Variants in OR51D1 observed in about 807,000 individuals in gnomAD.
OR51D1 encodes the protein olfactory receptor 51D1.
For missense variants in OR51D1, 452 were observed against 396.2 expected, an observed-to-expected ratio of 1.14 and a Z score of -1.20; for synonymous variants, 187 against 161.1, an observed-to-expected ratio of 1.16 and a Z score of -1.22.
In OR51D1 at chr11:4,641,884, G is replaced by A. The variant is rs1042910989; in HGVS notation, c.*1119G>A. 7.2e-5 allele frequency: 11 copies of A among 152,352 alleles called. No individual in the cohort carries two copies. 9.4% of individuals were successfully genotyped at this position (152,352 alleles called of 1,614,324 possible). A position where few individuals can be genotyped will look rare whatever the true frequency, so the allele number is the denominator to read the frequency against. ...TATTGTTGGTACTGATGCTATTTTC[G>A]TGCATATGTCTAGTGTATATGTTTT... On this transcript the variant is annotated 3_prime_UTR_variant, in exon 2 of 2. Transcript: ENST00000641817.
At position 4,640,077 on chromosome 11, in the gene OR51D1, G is replaced by T. The variant is rs1554918817; in HGVS notation, c.287G>T (p.Ser96Ile). 11 of 1,614,202 alleles carry T rather than the reference G, an allele frequency of 6.8e-6. No homozygotes were observed. The South Asian group carries it at 1.1e-4, about 16-fold the overall frequency. ...TCTATCACCATGCCCAAGATGGCCA[G>T]TCTTTTCCTGATGGGCATCCAGGAG... ...LSSITMPKMA[S>I]LFLMGIQEIE... Residue 96 changes from serine (S) to isoleucine (I), a missense_variant, in exon 2 of 2, where the codon AGT becomes ATT. Ser to Ile is a moderately radical substitution (Grantham distance 142). Coordinates refer to ENST00000641817, the MANE Select transcript of OR51D1 (RefSeq NM_001004751.3).
At chr11:4,639,570 C>T in intron 1 of OR51D1, 1 of 576,328 alleles carries the variant, frequency 1.7e-6, no homozygotes, top group African/African-American at 1.9e-5. Flanking sequence ...GCACTGGGGC[C>T]TTGGAGGGTC....
Position 4,640,360 on chromosome 11 carries a change from CT to C in OR51D1, c.572del (p.Phe191SerfsTer8), listed in dbSNP as rs1564874335. ...GCCAAACACATACTGTCACACACTC[CT>C]TCTGTCTGCACCAAGATATTATGAA... Reference protein sequence around the residue: ...YCQTHTVTHSFCLHQDIMKLS... With the variant: ...YCQTHTVTHSXCLHQDIMKLS... On this transcript the variant is annotated frameshift_variant, in exon 2 of 2. Transcript: ENST00000641817. LOFTEE classifies it high-confidence loss of function. The C allele has an allele frequency of 6.2e-7, 1 of 1,614,198 alleles. No individual in the cohort carries two copies. The highest frequency in any genetic ancestry group is 2.2e-5 in the East Asian group (1 of 44,888).
chr11:4,639,876 T>C lies in OR51D1; in HGVS notation c.86T>C (p.Ile29Thr), dbSNP rs1846940044. The C allele has an allele frequency of 1.2e-6, 2 of 1,614,222 alleles. No homozygotes were observed. Among genetic ancestry groups the C allele is most frequent in the Non-Finnish European group, 1.7e-6 (2 of 1,180,028 alleles). ...GCAGCATACTTCCTTTTGGTGGGTA[T>C]CCCTGGCCTGGGGCCTACCATACAC... Reference protein sequence around the residue: ...VHAAYFLLVGIPGLGPTIHFW... With the variant: ...VHAAYFLLVGTPGLGPTIHFW... Residue 29 changes from isoleucine to threonine, a missense_variant, in exon 2 of 2, where the codon ATC (isoleucine) becomes ACC (threonine). Transcript: ENST00000641817.
Position 4,639,878 on chromosome 11 carries a change from C to G in OR51D1, c.88C>G (p.Pro30Ala), listed in dbSNP as rs1846940171. ...HAAYFLLVGI[P>A]GLGPTIHFWL... Reference sequence around the variant, plus strand: ...AGCATACTTCCTTTTGGTGGGTATCCCTGGCCTGGGGCCTACCATACACTT... The same window carrying G: ...AGCATACTTCCTTTTGGTGGGTATCGCTGGCCTGGGGCCTACCATACACTT... Residue 30 changes from proline (P) to alanine (A), a missense_variant, in exon 2 of 2, where the codon CCT becomes GCT. Pro to Ala is a conservative substitution (Grantham distance 27). Coordinates refer to ENST00000641817, the MANE Select transcript of OR51D1 (RefSeq NM_001004751.3). 6.2e-7 allele frequency: 1 copy of G among 1,614,192 alleles called. No homozygotes were observed. The highest frequency in any genetic ancestry group is 8.5e-7 in the Non-Finnish European group (1 of 1,180,018).
chr11:4,640,662 C>A lies in OR51D1; in HGVS notation c.872C>A (p.Thr291Asn), dbSNP rs142944195. Residue 291 changes from threonine (T) to asparagine (N), a missense_variant, in exon 2 of 2, where the codon ACC (threonine) becomes AAC (asparagine). By Grantham distance (65) the Thr-to-Asn change is moderately conservative (BLOSUM62 0). Transcript: ENST00000641817. Reference protein sequence around the residue: ...TSLLHVVMANTYLLLPPVVNP... With the variant: ...TSLLHVVMANNYLLLPPVVNP... ...CTCCTCCATGTGGTTATGGCTAATACCTACTTGCTGCTACCACCTGTAGTC... is the reference window on the plus strand; with the variant it reads ...CTCCTCCATGTGGTTATGGCTAATAACTACTTGCTGCTACCACCTGTAGTC... 6.2e-6 allele frequency: 10 copies of A among 1,613,820 alleles called. No individual in the cohort carries two copies. The African/African-American group carries it at 1.3e-4, about 22-fold the overall frequency.
rs1440985972 is a variant in OR51D1 at position 4,640,070 on chromosome 11, A to G, written c.280A>G (p.Met94Val). The part of the protein sequence containing the change: ...LVLSSITMPK[M>V]ASLFLMGIQE... The stretch of plus-strand genomic sequence containing the variant: ...CCTCTCCTCTATCACCATGCCCAAG[A>G]TGGCCAGTCTTTTCCTGATGGGCAT... The change falls in exon 2 of 2, where the codon ATG becomes GTG. Residue 94 changes from methionine (M) to valine (V), a missense_variant. By Grantham distance (21) the Met-to-Val change is conservative. Coordinates refer to ENST00000641817, the MANE Select transcript of OR51D1 (RefSeq NM_001004751.3). 2 of 1,614,038 alleles carry G rather than the reference A, an allele frequency of 1.2e-6. No individual in the cohort carries two copies. The highest frequency in any genetic ancestry group is 1.7e-6 in the Non-Finnish European group (2 of 1,180,022).
At position 4,642,556 on chromosome 11, in the gene OR51D1, C is replaced by CAAAAAAAAAAAAAAAAAAAAAAAAAAAAA; in HGVS notation, c.*1812_*1813insAAAAAAAAAAAAAAAAAAAAAAAAAAAAA. The CAAAAAAAAAAAAAAAAAAAAAAAAAAAAA allele has an allele frequency of 2.6e-5, 2 of 76,216 alleles. 1 individual carries two copies. Among genetic ancestry groups the CAAAAAAAAAAAAAAAAAAAAAAAAAAAAA allele is most frequent in the Non-Finnish European group, 4.8e-5 (2 of 41,858 alleles). The allele number at this position is 76,216 out of a possible 1,614,324, so 4.7% of individuals were successfully genotyped here. ...CTGGTGACAGAGCAAGACTCTGTGTCAAAAAAAAAAAAAAAAAAAAAGCCT... is the reference window on the plus strand; with the variant it reads ...CTGGTGACAGAGCAAGACTCTGTGTCAAAAAAAAAAAAAAAAAAAAAAAAAAAAAAAAAAAAAAAAAAAAAAAAAAGCCT... On this transcript the variant is annotated 3_prime_UTR_variant, in exon 2 of 2. Coordinates refer to ENST00000641817, the MANE Select transcript of OR51D1 (RefSeq NM_001004751.3).
chr11:4,640,922 T>A lies in OR51D1; in HGVS notation c.*157T>A. 1.5e-6 allele frequency: 1 copy of A among 671,796 alleles called. No homozygotes were observed. Among genetic ancestry groups the A allele is most frequent in the Non-Finnish European group, 2.5e-6 (1 of 403,618 alleles). The allele number at this position is 671,796 out of a possible 1,614,324, so 41.6% of individuals were successfully genotyped here. A position where few individuals can be genotyped will look rare whatever the true frequency, so the allele number is the denominator to read the frequency against. On this transcript the variant is annotated 3_prime_UTR_variant, in exon 2 of 2. Transcript: ENST00000641817. ...TCTGTCTCCAGGAATGTGTCAGTAC[T>A]GAACTTATGACCCTGTCTGGACATC...
At position 4,640,120 on chromosome 11, in the gene OR51D1, C is replaced by T. The variant is rs1481590703; in HGVS notation, c.330C>T (p.Cys110=). 1 of 1,614,106 alleles carries T rather than the reference C, an allele frequency of 6.2e-7. No homozygotes were observed. The highest frequency in any genetic ancestry group is 8.5e-7 in the Non-Finnish European group (1 of 1,180,054). ...MGIQEIEFNI[C]LAQMFLIHAL... is the part of the protein sequence containing the mutation. ...TCCAGGAGATCGAGTTCAACATTTG[C>T]CTGGCCCAGATGTTCCTTATCCATG... Residue 110 remains cysteine, a synonymous_variant, in exon 2 of 2, where the codon TGC becomes TGT. Coordinates refer to ENST00000641817, the MANE Select transcript of OR51D1 (RefSeq NM_001004751.3).
In OR51D1 at chr11:4,640,012, CTTCCTGGCCATGCT is replaced by C. The variant is rs752595355; in HGVS notation, c.227_240del (p.Leu76HisfsTer3). 6.2e-7 allele frequency: 1 copy of C among 1,614,216 alleles called. No homozygotes were observed. Among genetic ancestry groups the C allele is most frequent in the Non-Finnish European group, 8.5e-7 (1 of 1,180,042 alleles). On this transcript the variant is annotated frameshift_variant, in exon 2 of 2. Coordinates refer to ENST00000641817, the MANE Select transcript of OR51D1 (RefSeq NM_001004751.3). LOFTEE classifies it high-confidence loss of function. ...GGCGACTGCATGAGCCCATGTACCT[CTTCCTGGCCATGCT>C]TTCCACTATTGACCTAGTCCTCTCC...
rs905871 is a variant in OR51D1, at chr11:4,640,055, A to G, written c.265A>G (p.Ile89Val). 476,906 of 1,613,946 alleles carry G rather than the reference A, an allele frequency of 0.3. 77,261 individuals are homozygous for G. Among genetic ancestry groups the G allele is most frequent in the Non-Finnish European group, 0.34 (396,301 of 1,179,894 alleles). Reference sequence around the variant, plus strand: ...CACTATTGACCTAGTCCTCTCCTCTATCACCATGCCCAAGATGGCCAGTCT... The same window carrying G: ...CACTATTGACCTAGTCCTCTCCTCTGTCACCATGCCCAAGATGGCCAGTCT... ...LSTIDLVLSSITMPKMASLFL... is the reference protein window; with the variant it reads ...LSTIDLVLSSVTMPKMASLFL... The change falls in exon 2 of 2, where the codon ATC (isoleucine) becomes GTC (valine). Residue 89 changes from isoleucine (I) to valine (V), a missense_variant. By Grantham distance (29) the Ile-to-Val change is conservative. Coordinates refer to ENST00000641817, the MANE Select transcript of OR51D1 (RefSeq NM_001004751.3).
Position 4,641,227 on chromosome 11 carries a change from C to G in OR51D1, c.*462C>G, listed in dbSNP as rs1846964785. On this transcript the variant is annotated 3_prime_UTR_variant, in exon 2 of 2. Transcript: ENST00000641817. ...TGGGGAATAGTAACTGGAGAGACAG[C>G]AACAAGACAAGAGGCAGCTCACATG... 1 of 161,682 alleles carries G rather than the reference C, an allele frequency of 6.2e-6. No individual in the cohort carries two copies. Among genetic ancestry groups the G allele is most frequent in the South Asian group, 1.8e-4 (1 of 5,612 alleles). The allele number at this position is 161,682 out of a possible 1,614,324, so 10.0% of individuals were successfully genotyped here.
chr11:4,640,566 G>A lies in OR51D1; in HGVS notation c.776G>A (p.Cys259Tyr), dbSNP rs761768037. 3 of 1,613,578 alleles carry A rather than the reference G, an allele frequency of 1.9e-6. No homozygotes were observed. Among genetic ancestry groups the A allele is most frequent in the Non-Finnish European group, 2.5e-6 (3 of 1,179,950 alleles). Residue 259 changes from cysteine to tyrosine, a missense_variant, in exon 2 of 2, where the codon TGT (cysteine) becomes TAT (tyrosine). By Grantham distance (194) the Cys-to-Tyr change is radical. Coordinates refer to ENST00000641817, the MANE Select transcript of OR51D1 (RefSeq NM_001004751.3). ...TTCAACACCTGCATCTCCCACCTCTGTGCTGTTCTGGTCTTCTATGTACCC... is the reference window on the plus strand; with the variant it reads ...TTCAACACCTGCATCTCCCACCTCTATGCTGTTCTGGTCTTCTATGTACCC... Reference protein sequence around the residue: ...KAFNTCISHLCAVLVFYVPLI... With the variant: ...KAFNTCISHLYAVLVFYVPLI...
Position 4,640,116 on chromosome 11 carries a change from T to A in OR51D1, c.326T>A (p.Ile109Asn). The change falls in exon 2 of 2, where the codon ATT becomes AAT. Residue 109 changes from isoleucine (I) to asparagine (N), a missense_variant. By Grantham distance (149) the Ile-to-Asn change is moderately radical. Transcript: ENST00000641817. ...LMGIQEIEFN[I>N]CLAQMFLIHA... ...GGCATCCAGGAGATCGAGTTCAACA[T>A]TTGCCTGGCCCAGATGTTCCTTATC... The A allele has an allele frequency of 6.2e-7, 1 of 1,614,224 alleles. No individual in the cohort carries two copies. Among genetic ancestry groups the A allele is most frequent in the Non-Finnish European group, 8.5e-7 (1 of 1,180,044 alleles).
intron 1 of OR51D1, among the ~76,000 whole-genome samples, 158 bp downstream of exon 1, chr11:4,637,911 C>T (rs886485900): frequency 1.3e-5 from 2 of 152,026 alleles, no homozygotes; most frequent in Non-Finnish European, 2.9e-5. Context: ...CTGTGAAGGG[C>T]CTTGTCTGCA....
In OR51D1 at chr11:4,639,898, A is replaced by G. The variant is rs763803954; in HGVS notation, c.108A>G (p.Ile36Met). ...LVGIPGLGPTIHFWLAFPLCF... is the reference protein window; with the variant it reads ...LVGIPGLGPTMHFWLAFPLCF... ...GTATCCCTGGCCTGGGGCCTACCAT[A>G]CACTTTTGGCTGGCTTTCCCACTGT... The change falls in exon 2 of 2, where the codon ATA becomes ATG. Residue 36 changes from isoleucine (I) to methionine (M), a missense_variant. By Grantham distance (10) the Ile-to-Met change is conservative (BLOSUM62 1). Transcript: ENST00000641817. The G allele has an allele frequency of 6.2e-7, 1 of 1,614,120 alleles. No individual in the cohort carries two copies. The highest frequency in any genetic ancestry group is 8.5e-7 in the Non-Finnish European group (1 of 1,180,012).
chr11:4,640,934 C>CCAGTA lies in OR51D1; in HGVS notation c.*170_*171insAGTAC. On this transcript the variant is annotated 3_prime_UTR_variant, in exon 2 of 2. Coordinates refer to ENST00000641817, the MANE Select transcript of OR51D1 (RefSeq NM_001004751.3). The stretch of plus-strand genomic sequence containing the variant: ...AATGTGTCAGTACTGAACTTATGAC[C>CCAGTA]CTGTCTGGACATCCTGGAGAATGAC... 1.6e-6 allele frequency: 1 copy of CCAGTA among 616,788 alleles called. No individual in the cohort carries two copies. The highest frequency in any genetic ancestry group is 2.8e-6 in the Non-Finnish European group (1 of 359,624). The allele number at this position is 616,788 out of a possible 1,614,324, so 38.2% of individuals were successfully genotyped here. A position where few individuals can be genotyped will look rare whatever the true frequency, so the allele number is the denominator to read the frequency against.
chr11:4,638,281 C>G (rs1846921583), intron 1 of OR51D1, among the ~76,000 whole-genome samples: 1 of 152,126 alleles, frequency 6.6e-6, no homozygotes, highest in African/African-American at 2.4e-5. Flanking sequence ...AGATCAGGAA[C>G]AGGTTTGGAA....
Sources: gnomAD v4.1 joint callset for allele counts (sites outside exome capture counted in the v4.1 genomes callset) on GRCh38, gnomAD v4.1.1 for gene constraint, MANE v1.5 for transcripts, NCBI Gene and HGNC (gene_info 2026-07-23, HGNC 2026-07-21) for gene names.